SPOCK1: variants seen among roughly 807,000 people sequenced by gnomAD.
The protein encoded by SPOCK1 is SPARC (osteonectin), cwcv and kazal like domains proteoglycan 1.
In SPOCK1, 23 loss-of-function variants were observed where a neutral mutation model predicts 55.3. That is an observed-to-expected ratio of 0.42 (90% CI 0.30 to 0.59). The LOEUF is 0.59. SPOCK1 is among the 20% of genes least tolerant of loss of function. The probability of loss-of-function intolerance (pLI) is 0.22; values close to 1 mark genes in which losing one functional copy is unlikely to be tolerated. For missense variants in SPOCK1, 499 were observed against 552.5 expected (o/e 0.90, Z 0.97); for synonymous variants, 226 against 221.0 (o/e 1.02, Z -0.20).
rs397784546 is a variant in SPOCK1, at chr5:137,266,755, T to TA, written c.232+254dup. ...TGATAATCAAATTTCACTTTTTTTTTAAAACAAAACGAATCAATGATTATA... is the reference window on the plus strand; with the variant it reads ...TGATAATCAAATTTCACTTTTTTTTTAAAAACAAAACGAATCAATGATTATA... On this transcript the variant is annotated intron_variant, in intron 3 of 10. Transcript: ENST00000394945. Among the ~76,000 whole-genome samples, 23 of 151,850 alleles carry TA rather than the reference T, an allele frequency of 1.5e-4. No individual in the cohort carries two copies. In the East Asian group the frequency reaches 2.1e-3, roughly 14 times the overall value.
At chr5:137,005,923 C>T (rs536397441) in intron 6 of SPOCK1, among the ~76,000 whole-genome samples, 4 of 152,116 alleles carry the variant, frequency 2.6e-5, no homozygotes, top group Non-Finnish European at 5.9e-5. Context: ...GAAAAAGGGA[C>T]CGAGAACGGT....
At chr5:136,988,736 G>A (rs1369147278) in intron 7 of SPOCK1, 93 bp from the exon 8 acceptor site, 2 of 1,160,786 alleles carry the variant, frequency 1.7e-6, no homozygotes, top group African/African-American at 3.1e-5. Flanking sequence ...AGATGCCAAG[G>A]CCCACCTGAC....
chr5:137,071,265 A>G (rs1752611557), intron 5 of SPOCK1, among the ~76,000 whole-genome samples: 1 of 152,142 alleles, frequency 6.6e-6, no homozygotes, highest in Non-Finnish European at 1.5e-5. Flanking sequence ...AAATGCTAGA[A>G]TTACAGGCAA....
At chr5:137,340,000 C>A (rs1275426236) in intron 2 of SPOCK1, among the ~76,000 whole-genome samples, 1 of 152,084 alleles carries the variant, frequency 6.6e-6, no homozygotes, top group Admixed American at 6.5e-5. Flanking sequence ...CTCATCCTTC[C>A]AGGTAGGTGG....
At chr5:137,188,880 T>C (rs972878461) in intron 3 of SPOCK1, among the ~76,000 whole-genome samples, 1 of 152,224 alleles carries the variant, frequency 6.6e-6, no homozygotes, top group Non-Finnish European at 1.5e-5. Context: ...GCTACTCCAG[T>C]GAACACACAA....
intron 2 of SPOCK1, among the ~76,000 whole-genome samples, chr5:137,289,622 G>A (rs1757330518): frequency 6.6e-6 from 1 of 152,104 alleles, no homozygotes; most frequent in Admixed American, 6.5e-5. Context: ...AACAAGAGGA[G>A]GAAAACCACA....
chr5:137,062,525 A>AATAATAAT (rs1554095448), intron 6 of SPOCK1, among the ~76,000 whole-genome samples: 1 of 143,464 alleles, frequency 7.0e-6, no homozygotes, highest in Non-Finnish European at 1.5e-5. Context: ...CAAGCATTAT[A>AATAATAAT]AATAATAATA....
intron 2 of SPOCK1, among the ~76,000 whole-genome samples, chr5:137,447,997 C>A (rs1753166191): frequency 6.6e-6 from 1 of 152,198 alleles, no homozygotes; most frequent in Admixed American, 6.5e-5. Context: ...CCTGTAATCC[C>A]AGCACTTTGG....
At chr5:137,189,520 C>T (rs1002053687) in intron 3 of SPOCK1, among the ~76,000 whole-genome samples, 1 of 152,170 alleles carries the variant, frequency 6.6e-6, no homozygotes, top group African/African-American at 2.4e-5. Flanking sequence ...GTATATTAAA[C>T]TCACGGTTAC....
At chr5:137,096,326 G>T (rs1048424644) in intron 5 of SPOCK1, among the ~76,000 whole-genome samples, 1 of 152,096 alleles carries the variant, frequency 6.6e-6, no homozygotes, top group Admixed American at 6.5e-5. Flanking sequence ...AACCCAAATG[G>T]GTTTCCATGA....
intron 6 of SPOCK1, among the ~76,000 whole-genome samples, chr5:137,021,364 A>C (rs1351217650): frequency 6.6e-6 from 1 of 152,194 alleles, no homozygotes; most frequent in Non-Finnish European, 1.5e-5. Flanking sequence ...AACTATAAAG[A>C]AAATTAATGT....
chr5:137,259,637 A>G (rs1423989331), intron 3 of SPOCK1, among the ~76,000 whole-genome samples: 1 of 151,824 alleles, frequency 6.6e-6, no homozygotes, highest in Admixed American at 6.6e-5. Context: ...TTAAAGTATA[A>G]TAATAATAAA....
intron 2 of SPOCK1, among the ~76,000 whole-genome samples, chr5:137,271,854 C>T (rs543660116): frequency 1.3e-5 from 2 of 152,096 alleles, no homozygotes; most frequent in Non-Finnish European, 2.9e-5. Context: ...TGAAACCGAT[C>T]GTTTCTCCTT....
At chr5:137,263,411 G>A (rs1027512100) in intron 3 of SPOCK1, among the ~76,000 whole-genome samples, 3 of 152,182 alleles carry the variant, frequency 2.0e-5, no homozygotes, top group Non-Finnish European at 4.4e-5. Context: ...TTTGTCAGGC[G>A]CCAGTTAAGG....
intron 5 of SPOCK1, among the ~76,000 whole-genome samples, chr5:137,076,626 AAAG>A (rs1277014817): frequency 0.01 from 1,487 of 147,338 alleles, 29 homozygotes; most frequent in African/African-American, 0.037. Context: ...AAAAAAAAAA[AAAG>A]AATGGTTGAC....
At chr5:137,464,222 A>G (rs1753552060) in intron 2 of SPOCK1, among the ~76,000 whole-genome samples, 1 of 152,144 alleles carries the variant, frequency 6.6e-6, no homozygotes, top group South Asian at 2.1e-4. Context: ...GAATCACTTG[A>G]GCCCAGGAGG....
At chr5:137,445,022 G>A (rs567440229) in intron 2 of SPOCK1, among the ~76,000 whole-genome samples, 1 of 152,278 alleles carries the variant, frequency 6.6e-6, no homozygotes, top group East Asian at 1.9e-4. Context: ...GATGCTTCCA[G>A]ACAGAATGGC....
intron 2 of SPOCK1, among the ~76,000 whole-genome samples, chr5:137,347,735 C>T (rs967499367): frequency 6.6e-6 from 1 of 151,766 alleles, no homozygotes; most frequent in Non-Finnish European, 1.5e-5. Flanking sequence ...AAACAAAAAA[C>T]AAATCAAACA....
intron 5 of SPOCK1, among the ~76,000 whole-genome samples, chr5:137,081,076 C>A (rs1752871623): frequency 6.6e-6 from 1 of 152,258 alleles, no homozygotes; most frequent in Non-Finnish European, 1.5e-5. Context: ...GGCTGTGCCT[C>A]CTGTCCCTGG....
Sources: gnomAD v4.1 joint callset for allele counts (sites outside exome capture counted in the v4.1 genomes callset) on GRCh38, gnomAD v4.1.1 for gene constraint, MANE v1.5 for transcripts, NCBI Gene and HGNC (gene_info 2026-07-23, HGNC 2026-07-21) for gene names.